The following AGAP1 variants were observed in gnomAD, a reference collection of about 807,000 sequenced individuals.
AGAP1 encodes the protein arf-GAP with GTPase, ANK repeat and PH domain-containing protein 1.
AGAP1 carries 29 observed loss-of-function variants against 105.3 expected under a neutral mutation model. The observed-to-expected ratio is 0.28, with a 90% confidence interval of 0.21 to 0.38. The LOEUF (loss-of-function observed/expected upper bound fraction) is 0.38, where lower values mean the gene tolerates loss of function less well. Ranked by LOEUF, AGAP1 falls within the 10% of genes least tolerant of loss-of-function variation. The pLI is 1.00. For synonymous variants in AGAP1, 509 were observed against 485.9 expected (o/e 1.05, Z -0.63); for missense variants, 998 against 1,165.1 (o/e 0.86, Z 2.09).
At chr2:235,682,797 C>CGTGT (rs71064869) in intron 1 of AGAP1, among the ~76,000 whole-genome samples, 31,109 of 149,446 alleles carry the variant, frequency 0.21, 3,327 homozygotes, top group East Asian at 0.35. Flanking sequence ...TGTGTGCACA[C>CGTGT]GTGTGTGTGT....
chr2:235,743,123 C>T (rs1952686384), intron 4 of AGAP1, among the ~76,000 whole-genome samples: 1 of 152,214 alleles, frequency 6.6e-6, no homozygotes, highest in South Asian at 2.1e-4. Flanking sequence ...GCTGAGATCT[C>T]ACCACTGCAC....
rs1473913728 is a variant in AGAP1 at position 236,036,057 on chromosome 2, C to T, written c.1646-504C>T. Among the ~76,000 whole-genome samples, 1 of 152,082 alleles carries T rather than the reference C, an allele frequency of 6.6e-6. No homozygotes were observed. The highest frequency in any genetic ancestry group is 1.5e-5 in the Non-Finnish European group (1 of 68,024). On this transcript the variant is annotated intron_variant, in intron 13 of 17. Coordinates refer to ENST00000304032, the MANE Select transcript of AGAP1 (RefSeq NM_001037131.3). This position sits in a 1 kb window ranked among gnomAD's most constrained non-coding sequence, Gnocchi z 5.7. ...CCCATGCACTCTCCCTGTCTGAAAA[C>T]GTGGGAATTGATGCCTCTCCCACGG...
Position 235,967,135 on chromosome 2 carries a change from C to A in AGAP1, c.1484-1327C>A, listed in dbSNP as rs1051217396. On this transcript the variant is annotated intron_variant, in intron 12 of 17. Coordinates refer to ENST00000304032, the MANE Select transcript of AGAP1 (RefSeq NM_001037131.3). This position sits in a 1 kb window ranked among gnomAD's most constrained non-coding sequence, Gnocchi z 4.7. ...AGTGCCACCTTCCGCAGGCCTCTCC[C>A]ACCCACACCGGCCACCGCCACTCGG... is the stretch of plus-strand genomic sequence containing the variant. 3.3e-5 allele frequency among the ~76,000 whole-genome samples: 5 copies of A among 152,116 alleles called. No individual in the cohort carries two copies. The highest frequency in any genetic ancestry group is 7.4e-5 in the Non-Finnish European group (5 of 68,010).
chr2:235,603,523 G>C (rs566666863), intron 1 of AGAP1, among the ~76,000 whole-genome samples: 18 of 152,168 alleles, frequency 1.2e-4, no homozygotes, highest in Admixed American at 5.9e-4. Context: ...ACTTAATGTA[G>C]AATGACTAGT....
chr2:235,709,831 C>T (rs546249337), intron 2 of AGAP1, among the ~76,000 whole-genome samples: 26 of 152,262 alleles, frequency 1.7e-4, no homozygotes, highest in African/African-American at 4.6e-4. Context: ...CCTTTCCAGC[C>T]GCTCCCCTCT....
Position 235,931,428 on chromosome 2 carries a change from C to G in AGAP1, c.1483+505C>G, listed in dbSNP as rs1007727115. 6.6e-6 allele frequency among the ~76,000 whole-genome samples: 1 copy of G among 151,974 alleles called. No individual in the cohort carries two copies. Among genetic ancestry groups the G allele is most frequent in the Non-Finnish European group, 1.5e-5 (1 of 68,006 alleles). Reference sequence around the variant, plus strand: ...TTGTAATCCTTCAGTTTTCAAATTCCTTTGGCATTATTATTATTATTATTA... The same window carrying G: ...TTGTAATCCTTCAGTTTTCAAATTCGTTTGGCATTATTATTATTATTATTA... On this transcript the variant is annotated intron_variant, in intron 12 of 17. Coordinates refer to ENST00000304032, the MANE Select transcript of AGAP1 (RefSeq NM_001037131.3). This position sits in a 1 kb window ranked among gnomAD's most constrained non-coding sequence, Gnocchi z 5.6.
At chr2:236,070,487 G>T (rs2058467231) in intron 16 of AGAP1, among the ~76,000 whole-genome samples, 1 of 152,190 alleles carries the variant, frequency 6.6e-6, no homozygotes, top group Non-Finnish European at 1.5e-5. Context: ...ACAGAAACTT[G>T]CACATAAATG....
chr2:236,029,276 TTTTTTC>T (rs978064275), intron 13 of AGAP1, among the ~76,000 whole-genome samples: 1 of 145,674 alleles, frequency 6.9e-6, no homozygotes, highest in Non-Finnish European at 1.5e-5. Context: ...AAATACATCC[TTTTTTC>T]TTTTTTTTTT....
chr2:235,687,899 C>CTTTTTTTT (rs10670064), intron 1 of AGAP1, among the ~76,000 whole-genome samples: 6 of 89,652 alleles, frequency 6.7e-5, no homozygotes, highest in Admixed American at 1.7e-4. Context: ...CGCTCTCTGA[C>CTTTTTTTT]TTTTTTTTTT....
intron 10 of AGAP1, among the ~76,000 whole-genome samples, chr2:235,886,122 T>C (rs1335650346): frequency 6.6e-6 from 1 of 152,168 alleles, no homozygotes; most frequent in Non-Finnish European, 1.5e-5. Context: ...CTGGATTCTC[T>C]CTGCAAAGTT....
rs558427702 is a variant in AGAP1 at position 235,830,799 on chromosome 2, A to G, written c.1050+23468A>G. 6.4e-4 allele frequency among the ~76,000 whole-genome samples: 97 copies of G among 152,280 alleles called. No homozygotes were observed. Among genetic ancestry groups the G allele is most frequent in the African/African-American group, 2.3e-3 (95 of 41,556 alleles). ...TTTTAAGTGATTTTACTTCTATTGG[A>G]TGCTGTTGATAGCCTCATTCTTCTC... On this transcript the variant is annotated intron_variant, in intron 9 of 17. Transcript: ENST00000304032. This position sits in a 1 kb window ranked among gnomAD's most constrained non-coding sequence, Gnocchi z 5.5.
Position 235,808,725 on chromosome 2 carries a change from A to T in AGAP1, c.1050+1394A>T, listed in dbSNP as rs899647549. Among the ~76,000 whole-genome samples, 3 of 152,200 alleles carry T rather than the reference A, an allele frequency of 2.0e-5. No homozygotes were observed. In the South Asian group the frequency reaches 6.2e-4, roughly 32 times the overall value. ...GCCCTCAGGCATCTATGTAAGATAC[A>T]TGATCATCTACTGGGCCGCAAATAT... On this transcript the variant is annotated intron_variant, in intron 9 of 17. Transcript: ENST00000304032.
At position 236,096,046 on chromosome 2, in the gene AGAP1, T is replaced by C. The variant is rs2059184181; in HGVS notation, c.2115-24146T>C. ...TTGTTTTGGGTACTTGGAAATCCAT[T>C]CTGCATTCGCTCAGGTACAGACCTC... On this transcript the variant is annotated intron_variant, in intron 16 of 17. Transcript: ENST00000304032. This position sits in a 1 kb window ranked among gnomAD's most constrained non-coding sequence, Gnocchi z 4.4. 1.3e-5 allele frequency among the ~76,000 whole-genome samples: 2 copies of C among 152,238 alleles called. No homozygotes were observed. The highest frequency in any genetic ancestry group is 4.8e-5 in the African/African-American group (2 of 41,452).
chr2:236,075,935 G>A (rs2058625942), intron 16 of AGAP1, among the ~76,000 whole-genome samples: 1 of 152,230 alleles, frequency 6.6e-6, no homozygotes, highest in Non-Finnish European at 1.5e-5. Context: ...CGCAGGGAGT[G>A]AGAGCAGGGG....
chr2:235,811,310 C>T (rs931048091), intron 9 of AGAP1, among the ~76,000 whole-genome samples: 3 of 152,222 alleles, frequency 2.0e-5, no homozygotes, highest in African/African-American at 2.4e-5. Flanking sequence ...CAAGACTTGC[C>T]TTGTACTTGG....
chr2:235,885,584 A>C (rs757459011), intron 10 of AGAP1, among the ~76,000 whole-genome samples: 45 of 152,218 alleles, frequency 3.0e-4, no homozygotes, highest in South Asian at 6.2e-4. Context: ...AGTGTATAAG[A>C]GAGCCTTTTC....
rs1943995761 is a variant in AGAP1, at chr2:235,557,006, C to G, written c.163+62157C>G. Among the ~76,000 whole-genome samples the G allele has an allele frequency of 6.6e-6, 1 of 152,202 alleles. No homozygotes were observed. Among genetic ancestry groups the G allele is most frequent in the Non-Finnish European group, 1.5e-5 (1 of 68,036 alleles). ...CCTCTTTTGTGCAACTCAGGGCTTT[C>G]TGGAGGTTGGGGGGCGGATCCCGAA... On this transcript the variant is annotated intron_variant, in intron 1 of 17. Coordinates refer to ENST00000304032, the MANE Select transcript of AGAP1 (RefSeq NM_001037131.3). The surrounding 1 kb of genome is among the most constrained non-coding windows in gnomAD (Gnocchi z 4.7).
At chr2:235,542,220 G>GGC (rs1943468064) in intron 1 of AGAP1, among the ~76,000 whole-genome samples, 1 of 151,418 alleles carries the variant, frequency 6.6e-6, no homozygotes, top group South Asian at 2.1e-4. Flanking sequence ...TGGGTCCCGG[G>GGC]GGGGGGCCAG....
intron 1 of AGAP1, among the ~76,000 whole-genome samples, chr2:235,666,174 TTTG>T (rs754754965): frequency 3.5e-4 from 53 of 152,006 alleles, no homozygotes; most frequent in Admixed American, 5.9e-4. Flanking sequence ...CCGGCTGCTG[TTTG>T]GTTTTGAGGT....
Sources: allele counts gnomAD v4.1 joint callset (sites outside exome capture counted in the v4.1 genomes callset), GRCh38; gene constraint gnomAD v4.1.1; non-coding constraint Gnocchi (gnomAD v3.1); transcripts MANE v1.5; gene names NCBI Gene and HGNC (gene_info 2026-07-23, HGNC 2026-07-21).